Variants in RIN3 observed in about 807,000 individuals in gnomAD.
The protein encoded by RIN3 is Ras and Rab interactor 3.
A neutral mutation model predicts 76.3 loss-of-function variants in RIN3; 54 were observed. That is an observed-to-expected ratio of 0.71 (90% CI 0.57 to 0.89). RIN3 has a LOEUF of 0.89. RIN3 is among the 40% of genes least tolerant of loss of function. RIN3 has a pLI of 0.00. For synonymous variants in RIN3, 576 were observed against 564.0 expected (o/e 1.02, Z -0.30); for missense variants, 1,256 against 1,322.1 (o/e 0.95, Z 0.78).
chr14:92,665,125 C>G (rs565859243), intron 7 of RIN3, among the ~76,000 whole-genome samples: 3 of 152,324 alleles, frequency 2.0e-5, no homozygotes, highest in Non-Finnish European at 2.9e-5. Flanking sequence ...TACTATACAC[C>G]TGAGCTGTAT....
rs544825399 is a variant in RIN3, at chr14:92,532,444, A to G, written c.44+18468A>G. On this transcript the variant is annotated intron_variant, in intron 1 of 9. Transcript: ENST00000216487. ...TGCCTTAGTCCTTCTGGTCCTCACA[A>G]CTAATCCCATGGGGTCATCTCATTT... Among the ~76,000 whole-genome samples the G allele has an allele frequency of 2.0e-5, 3 of 152,140 alleles. No homozygotes were observed. The South Asian group carries it at 6.2e-4, about 32-fold the overall frequency.
At chr14:92,670,822 C>G (rs573285628) in intron 7 of RIN3, among the ~76,000 whole-genome samples, 139 of 152,316 alleles carry the variant, frequency 9.1e-4, no homozygotes, top group Non-Finnish European at 1.5e-3. Flanking sequence ...CTATCTCTTC[C>G]CAGCTCTGTG....
chr14:92,649,886 C>T (rs1180013240), intron 5 of RIN3, among the ~76,000 whole-genome samples: 2 of 152,160 alleles, frequency 1.3e-5, no homozygotes, highest in African/African-American at 4.8e-5. Flanking sequence ...GGGGGGTGCA[C>T]CTCAGAGGGG....
chr14:92,519,715 C>A (rs1301014759), intron 1 of RIN3, among the ~76,000 whole-genome samples: 1 of 152,226 alleles, frequency 6.6e-6, no homozygotes, highest in Non-Finnish European at 1.5e-5. Context: ...CGTCCCTGTG[C>A]AGGTGGGGGC....
Position 92,688,254 on chromosome 14 carries a change from G to A in RIN3, c.*2G>A. The A allele has an allele frequency of 6.4e-7, 1 of 1,573,970 alleles. No homozygotes were observed. Among genetic ancestry groups the A allele is most frequent in the Non-Finnish European group, 8.6e-7 (1 of 1,162,288 alleles). ...GTGCGGGAGCCCAACTTCCTGTGAG[G>A]CCCTCCCGGGGCGCCTCCCCTCACC... On this transcript the variant is annotated 3_prime_UTR_variant, in exon 10 of 10. Transcript: ENST00000216487.
chr14:92,519,387 G>A (rs1305265030), intron 1 of RIN3, among the ~76,000 whole-genome samples: 2 of 152,218 alleles, frequency 1.3e-5, no homozygotes, highest in African/African-American at 4.8e-5. Flanking sequence ...CTTGCCAAGT[G>A]GACAGTGAGC....
chr14:92,540,366 G>A (rs989887953), intron 1 of RIN3, among the ~76,000 whole-genome samples: 1 of 152,180 alleles, frequency 6.6e-6, no homozygotes, highest in South Asian at 2.1e-4. Context: ...AGGTCTTTTG[G>A]TTTCCCAAGG....
At chr14:92,612,730 G>T (rs911332914) in intron 3 of RIN3, among the ~76,000 whole-genome samples, 1 of 152,246 alleles carries the variant, frequency 6.6e-6, no homozygotes, top group African/African-American at 2.4e-5. Context: ...CAGGGGAGAG[G>T]TTTAATTGCA....
chr14:92,534,260 T>TA (rs971630288), intron 1 of RIN3, among the ~76,000 whole-genome samples: 8 of 148,724 alleles, frequency 5.4e-5, no homozygotes, highest in East Asian at 3.9e-4. Context: ...TTTTTTTTTT[T>TA]ACAGATGGGG....
intron 3 of RIN3, among the ~76,000 whole-genome samples, chr14:92,594,450 A>T (rs1170923151): frequency 7.3e-6 from 1 of 137,872 alleles, no homozygotes; most frequent in Non-Finnish European, 1.6e-5. Context: ...AAAAAAAAAA[A>T]TTGTAATCAT....
intron 2 of RIN3, among the ~76,000 whole-genome samples, chr14:92,556,783 G>A (rs11160073): frequency 0.55 from 84,274 of 152,070 alleles, 23,754 homozygotes; most frequent in East Asian, 0.79. Context: ...TTATTTAACA[G>A]AAACCCAAGC....
chr14:92,611,726 G>A (rs1885746254), intron 3 of RIN3, among the ~76,000 whole-genome samples: 1 of 152,206 alleles, frequency 6.6e-6, no homozygotes, highest in African/African-American at 2.4e-5. Flanking sequence ...ATCTTTTGCA[G>A]GAACACAAGT....
intron 3 of RIN3, among the ~76,000 whole-genome samples, chr14:92,585,352 G>A (rs1013811866): frequency 2.6e-5 from 4 of 152,112 alleles, no homozygotes; most frequent in East Asian, 3.9e-4. Context: ...AAGGCATTGT[G>A]GGTGACGCTG....
Position 92,648,480 on chromosome 14 carries a change from C to T in RIN3, c.533-3102C>T, listed in dbSNP as rs944169219. On this transcript the variant is annotated intron_variant, in intron 5 of 9. Coordinates refer to ENST00000216487, the MANE Select transcript of RIN3 (RefSeq NM_024832.5). This position sits in a 1 kb window ranked among gnomAD's most constrained non-coding sequence, Gnocchi z 4.1. ...CTGTGCCCTCCTTCCTGCCTCCTCTCACTGTCTTGTATTTACACATCCTCC... is the reference window on the plus strand; with the variant it reads ...CTGTGCCCTCCTTCCTGCCTCCTCTTACTGTCTTGTATTTACACATCCTCC... 1.1e-4 allele frequency among the ~76,000 whole-genome samples: 17 copies of T among 152,236 alleles called. No homozygotes were observed. The highest frequency in any genetic ancestry group is 1.1e-3 in the Admixed American group (17 of 15,290).
At chr14:92,670,587 C>T (rs1888256251) in intron 7 of RIN3, among the ~76,000 whole-genome samples, 1 of 152,198 alleles carries the variant, frequency 6.6e-6, no homozygotes, top group Non-Finnish European at 1.5e-5. Context: ...TTGTGTTGGT[C>T]CATGAGGAGC....
chr14:92,546,224 C>T (rs1897262095), intron 1 of RIN3, among the ~76,000 whole-genome samples: 1 of 151,506 alleles, frequency 6.6e-6, no homozygotes, highest in Admixed American at 6.6e-5. Context: ...TGTGCCTGGC[C>T]CCTGGCCCTT....
In RIN3 at chr14:92,688,263, G is replaced by A. The variant is rs769146691; in HGVS notation, c.*11G>A. 3.8e-6 allele frequency: 6 copies of A among 1,559,282 alleles called. No homozygotes were observed. The highest frequency in any genetic ancestry group is 5.2e-6 in the Non-Finnish European group (6 of 1,154,962). On this transcript the variant is annotated 3_prime_UTR_variant, in exon 10 of 10. Transcript: ENST00000216487. ...CCCAACTTCCTGTGAGGCCCTCCCG[G>A]GGCGCCTCCCCTCACCCCCAGGCGC...
At position 92,654,835 on chromosome 14, in the gene RIN3, G is replaced by A. The variant is rs192069549; in HGVS notation, c.2026+1760G>A. Among the ~76,000 whole-genome samples, 11 of 152,300 alleles carry A rather than the reference G, an allele frequency of 7.2e-5. No individual in the cohort carries two copies. The East Asian group carries it at 1.7e-3, about 24-fold the overall frequency. Reference sequence around the variant, plus strand: ...AAAGCACTCAAAAGTTTCTGCCTGCGGGGAGCTTACGGTCTATCAGAGGTG... The same window carrying A: ...AAAGCACTCAAAAGTTTCTGCCTGCAGGGAGCTTACGGTCTATCAGAGGTG... On this transcript the variant is annotated intron_variant, in intron 6 of 9. Coordinates refer to ENST00000216487, the MANE Select transcript of RIN3 (RefSeq NM_024832.5).
At chr14:92,530,278 T>C (rs1223508871) in intron 1 of RIN3, among the ~76,000 whole-genome samples, 2 of 152,106 alleles carry the variant, frequency 1.3e-5, no homozygotes, top group African/African-American at 4.8e-5. Flanking sequence ...GGGGCCTTGG[T>C]CCCCTCTCAC....
Sources: gnomAD v4.1 joint callset for allele counts (sites outside exome capture counted in the v4.1 genomes callset) on GRCh38, gnomAD v4.1.1 for gene constraint, Gnocchi (gnomAD v3.1) non-coding constraint, MANE v1.5 for transcripts, NCBI Gene and HGNC (gene_info 2026-07-23, HGNC 2026-07-21) for gene names.